Variants in ARHGEF10L observed in about 807,000 individuals in gnomAD.
The protein encoded by ARHGEF10L is rho guanine nucleotide exchange factor 10-like protein.
In ARHGEF10L, 69 loss-of-function variants were observed where a neutral mutation model predicts 141.2. The ratio of observed to expected loss-of-function variants is 0.49; its 90% CI spans 0.40 to 0.60. ARHGEF10L has a LOEUF of 0.60. Among genes scored for constraint, ARHGEF10L ranks in the 20% least tolerant of loss-of-function variants. The pLI, the probability that ARHGEF10L is intolerant of heterozygous loss-of-function variation, is 0.00. For missense variants in ARHGEF10L, 1,482 were observed against 1,734.3 expected (o/e 0.85, Z 2.58); for synonymous variants, 711 against 718.5 (o/e 0.99, Z 0.17).
At chr1:17,630,234 A>C (rs1255946199) in intron 15 of ARHGEF10L, among the ~76,000 whole-genome samples, 2 of 152,248 alleles carry the variant, frequency 1.3e-5, no homozygotes, top group Non-Finnish European at 2.9e-5. Context: ...AAACGGAACC[A>C]TGCCAGCTGT....
the ARHGEF10L span, among the ~76,000 whole-genome samples, chr1:17,514,500 G>T: frequency 2.6e-5 from 4 of 152,268 alleles, no homozygotes; most frequent in Non-Finnish European, 5.9e-5. Context: ...GGCATGGATC[G>T]CATGGTATCA....
chr1:17,695,795 C>T (rs558399615), intron 28 of ARHGEF10L, among the ~76,000 whole-genome samples: 28 of 152,306 alleles, frequency 1.8e-4, no homozygotes, highest in African/African-American at 6.5e-4. Flanking sequence ...CCCCCTCCAC[C>T]ACCCTGAGAA....
intron 1 of ARHGEF10L, among the ~76,000 whole-genome samples, chr1:17,574,849 C>T (rs555186754): frequency 1.3e-5 from 2 of 152,334 alleles, no homozygotes; most frequent in African/African-American, 2.4e-5. Context: ...ACTTCCTGTT[C>T]CAGCTCCATT....
In ARHGEF10L at chr1:17,576,626, G is replaced by A. The variant is rs184864200; in HGVS notation, c.-43-3927G>A. 2.2e-3 allele frequency among the ~76,000 whole-genome samples: 340 copies of A among 152,198 alleles called. 1 individual carries two copies. Among genetic ancestry groups the A allele is most frequent in the Middle Eastern group, 0.01 (3 of 294 alleles). On this transcript the variant is annotated intron_variant, in intron 1 of 28. Coordinates refer to ENST00000361221, the MANE Select transcript of ARHGEF10L (RefSeq NM_018125.4). ...CACCACCCAAGCATAGCCTGGATAG[G>A]GTCCCCATGGTAACAGAGGCCCCTG...
the ARHGEF10L span, among the ~76,000 whole-genome samples, chr1:17,524,236 C>T: frequency 1.8e-4 from 27 of 151,806 alleles, no homozygotes; most frequent in Middle Eastern, 3.4e-3. Flanking sequence ...TTGCAGTGAG[C>T]TGAGATTGCA....
In ARHGEF10L at chr1:17,621,854, G is replaced by A. The variant is rs535441309; in HGVS notation, c.943-10G>A. On this transcript the variant is annotated splice_polypyrimidine_tract_variant and intron_variant, in intron 10 of 28. Transcript: ENST00000361221. The surrounding 1 kb of genome is among the most constrained non-coding windows in gnomAD (Gnocchi z 4.1). ...TCATGTGCGCTGACCGTGCTTTTTGGCCCGAGCAGGTGGTCCGGAGGCATA... is the reference window on the plus strand; with the variant it reads ...TCATGTGCGCTGACCGTGCTTTTTGACCCGAGCAGGTGGTCCGGAGGCATA... The A allele has an allele frequency of 1.2e-6, 2 of 1,613,946 alleles. No individual in the cohort carries two copies. Among genetic ancestry groups the A allele is most frequent in the East Asian group, 4.5e-5 (2 of 44,878 alleles).
At chr1:17,595,411 CAGG>C (rs1341993081) in intron 4 of ARHGEF10L, among the ~76,000 whole-genome samples, 1 of 152,048 alleles carries the variant, frequency 6.6e-6, no homozygotes, top group East Asian at 1.9e-4. Flanking sequence ...TGCCACAGAG[CAGG>C]AGGCCAGAGG....
chr1:17,666,660 T>G (rs2062993866), intron 26 of ARHGEF10L, among the ~76,000 whole-genome samples: 1 of 151,982 alleles, frequency 6.6e-6, no homozygotes. Context: ...CAAGAACAGC[T>G]GGAGCAACTG....
At chr1:17,666,334 T>A (rs2062974173) in intron 26 of ARHGEF10L, among the ~76,000 whole-genome samples, 1 of 152,152 alleles carries the variant, frequency 6.6e-6, no homozygotes, top group Non-Finnish European at 1.5e-5. Flanking sequence ...TCTTCCTGGG[T>A]GCTGGGAAGG....
rs1313565082 is a variant in ARHGEF10L, at chr1:17,587,636, C to T, written c.214C>T (p.Pro72Ser). Reference protein sequence around the residue: ...DPPLIHLDSIPVTDPDPAAAP... With the variant: ...DPPLIHLDSISVTDPDPAAAP... ...CCCACTGATCCACTTGGACTCCATCCCTGTCACTGGTAAGATGTTTCTGGG... is the reference window on the plus strand; with the variant it reads ...CCCACTGATCCACTTGGACTCCATCTCTGTCACTGGTAAGATGTTTCTGGG... Residue 72 changes from proline to serine, a missense_variant, in exon 3 of 29, where the codon CCT becomes TCT. Around this residue, in one of 3 missense-constraint regions of ARHGEF10L, gnomAD observed 232 missense variants for 225.9 expected, o/e 1.03. Transcript: ENST00000361221. 2.5e-6 allele frequency: 4 copies of T among 1,610,746 alleles called. No homozygotes were observed. Among genetic ancestry groups the T allele is most frequent in the Non-Finnish European group, 3.4e-6 (4 of 1,178,286 alleles).
At chr1:17,575,388 C>T (rs2246519) in intron 1 of ARHGEF10L, among the ~76,000 whole-genome samples, 152,361 of 152,382 alleles carry the variant, frequency 1, 76,170 homozygotes, top group Non-Finnish European at 1. Flanking sequence ...GGAAGCTTTG[C>T]AGAGGAGAAA....
In ARHGEF10L at chr1:17,615,574, C is replaced by T. The variant is rs140910863; in HGVS notation, c.727-520C>T. ...ATGGGATGGGGGTGTGCACACACCT[C>T]CTTTAGTTGCTCCTAAGGTCATGTT... On this transcript the variant is annotated intron_variant, in intron 8 of 28. Transcript: ENST00000361221. This position sits in a 1 kb window ranked among gnomAD's most constrained non-coding sequence, Gnocchi z 4.7. 1.3e-5 allele frequency: 2 copies of T among 153,110 alleles called. No homozygotes were observed. The highest frequency in any genetic ancestry group is 2.9e-5 in the Non-Finnish European group (2 of 68,516). The allele number at this position is 153,110 out of a possible 1,614,324, so 9.5% of individuals were successfully genotyped here. A position where few individuals can be genotyped will look rare whatever the true frequency, so the allele number is the denominator to read the frequency against.
At chr1:17,620,247 G>A (rs1243613765) in intron 10 of ARHGEF10L, among the ~76,000 whole-genome samples, 2 of 150,642 alleles carry the variant, frequency 1.3e-5, no homozygotes, top group African/African-American at 2.4e-5. Flanking sequence ...GTAGAGCATC[G>A]TGCTGAGGTC....
intron 26 of ARHGEF10L, among the ~76,000 whole-genome samples, chr1:17,674,851 G>A (rs1356341533): frequency 6.6e-6 from 1 of 152,136 alleles, no homozygotes; most frequent in South Asian, 2.1e-4. Flanking sequence ...TGCTGTACGG[G>A]TATGAGGCCT....
chr1:17,528,891 G>C, the ARHGEF10L span, among the ~76,000 whole-genome samples: 2 of 152,152 alleles, frequency 1.3e-5, no homozygotes, highest in South Asian at 4.1e-4. Flanking sequence ...GGGATAATAC[G>C]GTAAAGGGCT....
rs546057227 is a variant in ARHGEF10L, at chr1:17,670,271, C to T, written c.3009+5676C>T. 2.1e-4 allele frequency among the ~76,000 whole-genome samples: 32 copies of T among 152,362 alleles called. No individual in the cohort carries two copies. In the South Asian group the frequency reaches 5.2e-3, roughly 25 times the overall value. ...GTGCCACCATCCCCTGCAGAGCTGG[C>T]ACCCGCGGTCTGTCTCTGGGTTTTA... On this transcript the variant is annotated intron_variant, in intron 26 of 28. Coordinates refer to ENST00000361221, the MANE Select transcript of ARHGEF10L (RefSeq NM_018125.4).
intron 27 of ARHGEF10L, among the ~76,000 whole-genome samples, chr1:17,692,317 A>G (rs1395263698): frequency 6.6e-6 from 1 of 151,850 alleles, no homozygotes; most frequent in Non-Finnish European, 1.5e-5. Flanking sequence ...TTGAGTTTGC[A>G]TCATGTTGCC....
chr1:17,568,022 C>T (rs2077833122), intron 1 of ARHGEF10L, among the ~76,000 whole-genome samples: 1 of 152,170 alleles, frequency 6.6e-6, no homozygotes, highest in East Asian at 1.9e-4. Flanking sequence ...CTTCCTGTAG[C>T]ACTTCAGTGA....
At chr1:17,661,224 C>T (rs2062603651) in intron 25 of ARHGEF10L, among the ~76,000 whole-genome samples, 1 of 152,216 alleles carries the variant, frequency 6.6e-6, no homozygotes, top group South Asian at 2.1e-4. Flanking sequence ...ATTACAGGCG[C>T]ACACCACCAC....
Sources: gnomAD v4.1 joint callset for allele counts (sites outside exome capture counted in the v4.1 genomes callset) on GRCh38, gnomAD v4.1.1 for gene constraint, gnomAD v4.1.1 regional missense constraint, Gnocchi (gnomAD v3.1) non-coding constraint, MANE v1.5 for transcripts, NCBI Gene and HGNC (gene_info 2026-07-23, HGNC 2026-07-21) for gene names.